Variants in DGKI observed in about 807,000 individuals in gnomAD.
DGKI encodes the protein DAG kinase iota.
Under a neutral mutation model 147.5 loss-of-function variants are expected in DGKI, and 55 were observed. That is an observed-to-expected ratio of 0.37 (90% CI 0.30 to 0.47). DGKI has a LOEUF of 0.47. Among genes scored for constraint, DGKI ranks in the 20% least tolerant of loss-of-function variants. DGKI has a pLI of 1.00. For missense variants in DGKI, 1,007 were observed against 1,323.8 expected (o/e 0.76, Z 3.71); for synonymous variants, 469 against 477.1 (o/e 0.98, Z 0.22).
At chr7:137,486,857 A>C (rs1390856781) in intron 22 of DGKI, among the ~76,000 whole-genome samples, 2 of 152,160 alleles carry the variant, frequency 1.3e-5, no homozygotes, top group Non-Finnish European at 2.9e-5. Context: ...CAGCTTTAAA[A>C]ATACAAATGT....
In DGKI at chr7:137,654,765, T is replaced by C; in HGVS notation, c.705A>G (p.Thr235=). The change falls in exon 5 of 33, where the codon ACA becomes ACG. Residue 235 remains threonine (T), a synonymous_variant. Transcript: ENST00000614521. ...GTGACCTTGAGCCTCCTTCTCGAAA[T>C]GTTGGTTTACATCTGAAATTAATCT... ...LEKINFRCKP[T]FREGGSRSPR... 4 of 1,609,052 alleles carry C rather than the reference T, an allele frequency of 2.5e-6. No individual in the cohort carries two copies. The highest frequency in any genetic ancestry group is 3.4e-6 in the Non-Finnish European group (4 of 1,176,126).
intron 1 of DGKI, among the ~76,000 whole-genome samples, chr7:137,792,071 G>T (rs1208658277): frequency 6.6e-6 from 1 of 152,162 alleles, no homozygotes; most frequent in Admixed American, 6.5e-5. Context: ...CTGCTCTGAG[G>T]CATGAGCCAT....
intron 1 of DGKI, among the ~76,000 whole-genome samples, chr7:137,836,142 A>G (rs1051706136): frequency 4.6e-5 from 7 of 152,238 alleles, no homozygotes; most frequent in Admixed American, 6.5e-5. Flanking sequence ...GTCTTTAAAA[A>G]AAATCCCTTA....
At chr7:137,570,121 T>C (rs1818743295) in intron 19 of DGKI, among the ~76,000 whole-genome samples, 1 of 152,140 alleles carries the variant, frequency 6.6e-6, no homozygotes, top group African/African-American at 2.4e-5. Context: ...CAACCTTCTT[T>C]CTTTTATGCA....
chr7:137,472,401 T>TATGTATATATACATATTATTAG (rs1815010077), intron 23 of DGKI, among the ~76,000 whole-genome samples: 1 of 131,540 alleles, frequency 7.6e-6, no homozygotes, highest in Non-Finnish European at 1.6e-5. Flanking sequence ...ATTATAATTA[T>TATGTATATATACATATTATTAG]TATATGTATA....
At chr7:137,463,250 C>T (rs1047532002) in intron 27 of DGKI, among the ~76,000 whole-genome samples, 1 of 152,274 alleles carries the variant, frequency 6.6e-6, no homozygotes, top group East Asian at 1.9e-4. Flanking sequence ...TGGAGGTCCA[C>T]GTGCAAGGGG....
intron 1 of DGKI, among the ~76,000 whole-genome samples, chr7:137,784,995 A>G (rs1464541751): frequency 6.6e-6 from 1 of 152,014 alleles, no homozygotes; most frequent in Non-Finnish European, 1.5e-5. Context: ...AGTTCATAGC[A>G]TTAAATGCCT....
intron 3 of DGKI, among the ~76,000 whole-genome samples, chr7:137,665,849 G>GA (rs959766412): frequency 4.1e-4 from 63 of 151,836 alleles, no homozygotes; most frequent in African/African-American, 8.2e-4. Context: ...AAAGCCAAGG[G>GA]AAAAAAAAGA....
chr7:137,703,412 A>T (rs1381177387), intron 1 of DGKI, among the ~76,000 whole-genome samples: 1 of 152,212 alleles, frequency 6.6e-6, no homozygotes, highest in Non-Finnish European at 1.5e-5. Context: ...TGCTCAGGAA[A>T]AATCTGAGAA....
intron 6 of DGKI, among the ~76,000 whole-genome samples, chr7:137,626,352 C>T (rs1235088899): frequency 6.6e-6 from 1 of 151,262 alleles, no homozygotes; most frequent in African/African-American, 2.5e-5. Context: ...CACACACACA[C>T]ACACACACAC....
At chr7:137,482,124 T>A (rs140073454) in intron 23 of DGKI, among the ~76,000 whole-genome samples, 1 of 151,964 alleles carries the variant, frequency 6.6e-6, no homozygotes, top group Non-Finnish European at 1.5e-5. Flanking sequence ...TAATAGCACC[T>A]ATATCCCATG....
At chr7:137,701,818 A>C (rs1585387204) in intron 1 of DGKI, among the ~76,000 whole-genome samples, 1 of 152,294 alleles carries the variant, frequency 6.6e-6, no homozygotes, top group Non-Finnish European at 1.5e-5. Context: ...TGATTTAAAA[A>C]ATGTATATAG....
At chr7:137,742,760 T>C (rs1396803926) in intron 1 of DGKI, among the ~76,000 whole-genome samples, 1 of 152,220 alleles carries the variant, frequency 6.6e-6, no homozygotes, top group East Asian at 1.9e-4. Context: ...AATTTAATTG[T>C]GTGAGTGGGT....
intron 1 of DGKI, among the ~76,000 whole-genome samples, chr7:137,803,292 C>T (rs1797269634): frequency 6.6e-6 from 1 of 152,168 alleles, no homozygotes; most frequent in South Asian, 2.1e-4. Context: ...TGTGATCACT[C>T]TTCAGAGGCC....
chr7:137,734,802 G>A lies in DGKI; in HGVS notation c.402-44800C>T, dbSNP rs922733518. Among the ~76,000 whole-genome samples, 5 of 152,102 alleles carry A rather than the reference G, an allele frequency of 3.3e-5. No homozygotes were observed. In the East Asian group the frequency reaches 9.7e-4, roughly 29 times the overall value. On this transcript the variant is annotated intron_variant, in intron 1 of 32. Coordinates refer to ENST00000614521, the MANE Select transcript of DGKI (RefSeq NM_001321708.2). ...GCAACAGAGAATGAATTCACAATGA[G>A]AGACCTTGCAGTCATTCTGTAGATT...
At chr7:137,411,418 G>A (rs1313572093) in intron 29 of DGKI, among the ~76,000 whole-genome samples, 5 of 152,114 alleles carry the variant, frequency 3.3e-5, no homozygotes, top group Non-Finnish European at 7.4e-5. Flanking sequence ...TAACATTTTA[G>A]AGCCCCTTCC....
intron 32 of DGKI, among the ~76,000 whole-genome samples, chr7:137,393,148 TG>T (rs1476526249): frequency 2.0e-5 from 3 of 152,292 alleles, no homozygotes; most frequent in South Asian, 4.1e-4. Context: ...AGCAATTTTT[TG>T]CTTTTTGGAG....
chr7:137,709,270 T>C (rs79602802), intron 1 of DGKI, among the ~76,000 whole-genome samples: 1 of 152,312 alleles, frequency 6.6e-6, no homozygotes, highest in African/African-American at 2.4e-5. Flanking sequence ...CTTTCTCTTA[T>C]GGGCCACTGG....
At chr7:137,525,886 C>T (rs190917801) in intron 20 of DGKI, among the ~76,000 whole-genome samples, 1 of 152,078 alleles carries the variant, frequency 6.6e-6, no homozygotes, top group South Asian at 2.1e-4. Context: ...TGCTGGGCTA[C>T]CTCTGGGGGG....
Sources: gnomAD v4.1 joint callset for allele counts (sites outside exome capture counted in the v4.1 genomes callset) on GRCh38, gnomAD v4.1.1 for gene constraint, MANE v1.5 for transcripts, NCBI Gene and HGNC (gene_info 2026-07-23, HGNC 2026-07-21) for gene names.